Variants in NEGR1 observed in about 807,000 individuals in gnomAD.
The protein encoded by NEGR1 is neuronal growth regulator 1, also known as IgLON family member 4.
A neutral mutation model predicts 40.9 loss-of-function variants in NEGR1; 10 were observed. The observed-to-expected ratio is 0.24, with a 90% CI of 0.15 to 0.42. The LOEUF (loss-of-function observed/expected upper bound fraction) is 0.42. NEGR1 is among the 10% of genes least tolerant of loss of function. The probability of loss-of-function intolerance (pLI) is 1.00; values close to 1 mark genes in which losing one functional copy is unlikely to be tolerated. For synonymous variants in NEGR1, 185 were observed against 166.8 expected (o/e 1.11, Z -0.84); for missense variants, 352 against 438.9 (o/e 0.80, Z 1.77).
intron 1 of NEGR1, among the ~76,000 whole-genome samples, chr1:72,084,690 G>C (rs1038719975): frequency 2.0e-5 from 3 of 152,052 alleles, no homozygotes; most frequent in Admixed American, 1.3e-4. Flanking sequence ...AATGTTTACT[G>C]TGGTTCTAAT....
intron 3 of NEGR1, among the ~76,000 whole-genome samples, chr1:71,751,670 G>A (rs1297352281): frequency 1.3e-5 from 2 of 151,614 alleles, no homozygotes; most frequent in African/African-American, 4.9e-5. Flanking sequence ...ATCAATGGAA[G>A]CCCACAGGCC....
chr1:71,806,899 T>G (rs1003210830), intron 2 of NEGR1, among the ~76,000 whole-genome samples: 1 of 133,796 alleles, frequency 7.5e-6, no homozygotes, highest in Non-Finnish European at 1.5e-5. Flanking sequence ...TTTTTTTTTG[T>G]TTTTTTTTTT....
intron 1 of NEGR1, among the ~76,000 whole-genome samples, chr1:71,976,073 G>A (rs942723461): frequency 5.3e-5 from 8 of 152,296 alleles, no homozygotes; most frequent in Admixed American, 3.3e-4. Flanking sequence ...TAATGTTCTA[G>A]TGTTGGTCTC....
chr1:71,863,046 C>T (rs943716652), intron 2 of NEGR1, among the ~76,000 whole-genome samples: 3 of 152,110 alleles, frequency 2.0e-5, no homozygotes, highest in Non-Finnish European at 4.4e-5. Flanking sequence ...ATGGTGATTC[C>T]TCAAGGACCT....
chr1:71,575,742 C>G (rs1648944720), intron 6 of NEGR1, among the ~76,000 whole-genome samples: 1 of 152,170 alleles, frequency 6.6e-6, no homozygotes, highest in Non-Finnish European at 1.5e-5. Context: ...GAGATCTCGC[C>G]ACTGCACTCC....
In NEGR1 at chr1:72,012,414, CGGTCGA is replaced by C. The variant is rs1475519976; in HGVS notation, c.177-77109_177-77104del. On this transcript the variant is annotated intron_variant, in intron 1 of 6. Transcript: ENST00000357731. ...AAGTGTCACAGGACCTCCCTTGCTA[CGGTCGA>C]GCCAAATCAGTTTCTGTTATTGGTG... 3.3e-5 allele frequency among the ~76,000 whole-genome samples: 5 copies of C among 152,106 alleles called. No individual in the cohort carries two copies. In the East Asian group the frequency reaches 5.8e-4, roughly 18 times the overall value.
chr1:72,244,632 A>G (rs1175047123), intron 1 of NEGR1, among the ~76,000 whole-genome samples: 1 of 151,996 alleles, frequency 6.6e-6, no homozygotes, highest in Admixed American at 6.6e-5. Context: ...ACACTGCATC[A>G]GTGAATACTA....
intron 1 of NEGR1, among the ~76,000 whole-genome samples, chr1:72,040,577 C>CAAAAAAAAAAA (rs5775102): frequency 6.4e-4 from 19 of 29,704 alleles, no homozygotes; most frequent in Non-Finnish European, 8.9e-4. Flanking sequence ...GAGCACTGAC[C>CAAAAAAAAAAA]AAAAAAAAAA....
chr1:72,281,606 C>CA (rs1656253321), intron 1 of NEGR1, among the ~76,000 whole-genome samples: 1 of 144,700 alleles, frequency 6.9e-6, no homozygotes, highest in Non-Finnish European at 1.5e-5. Flanking sequence ...AAAAAATAGA[C>CA]AAAAAGAAAA....
intron 2 of NEGR1, among the ~76,000 whole-genome samples, chr1:71,896,568 T>G (rs976970855): frequency 2.6e-5 from 4 of 152,194 alleles, no homozygotes; most frequent in Non-Finnish European, 5.9e-5. Context: ...ATTTATCTAT[T>G]TTTTCTTTGA....
At chr1:71,513,645 T>C (rs1296952776) in intron 6 of NEGR1, among the ~76,000 whole-genome samples, 1 of 152,194 alleles carries the variant, frequency 6.6e-6, no homozygotes, top group African/African-American at 2.4e-5. Flanking sequence ...CCTGATTTTA[T>C]AGGAGAAACT....
chr1:71,946,294 C>T (rs1027157049), intron 1 of NEGR1, among the ~76,000 whole-genome samples: 2 of 151,698 alleles, frequency 1.3e-5, no homozygotes, highest in Non-Finnish European at 1.5e-5. Flanking sequence ...AGGGTGGTCT[C>T]AACCTCAGTT....
intron 3 of NEGR1, among the ~76,000 whole-genome samples, chr1:71,729,212 G>A (rs1444202145): frequency 6.6e-6 from 1 of 151,982 alleles, no homozygotes; most frequent in Non-Finnish European, 1.5e-5. Flanking sequence ...CCAGTTGTGT[G>A]CAAAATTTCT....
At chr1:72,001,889 T>C (rs1646560679) in intron 1 of NEGR1, among the ~76,000 whole-genome samples, 1 of 151,944 alleles carries the variant, frequency 6.6e-6, no homozygotes. Context: ...ACTATCCTCT[T>C]GTACTACATA....
intron 3 of NEGR1, among the ~76,000 whole-genome samples, chr1:71,700,637 C>T (rs181278334): frequency 2.6e-5 from 4 of 151,950 alleles, no homozygotes; most frequent in African/African-American, 9.6e-5. Flanking sequence ...TAAGAAAATA[C>T]CACAACTTTA....
intron 1 of NEGR1, among the ~76,000 whole-genome samples, chr1:71,962,881 C>T (rs896748070): frequency 6.6e-6 from 1 of 151,680 alleles, no homozygotes; most frequent in South Asian, 2.1e-4. Context: ...TCGGATTCAC[C>T]TTTGCAGCAT....
intron 4 of NEGR1, among the ~76,000 whole-genome samples, chr1:71,655,649 T>C (rs1651851651): frequency 6.6e-6 from 1 of 152,110 alleles, no homozygotes; most frequent in Non-Finnish European, 1.5e-5. Context: ...TTGTGACATA[T>C]ATTACTTGAT....
chr1:72,122,619 CA>C (rs1213837078), intron 1 of NEGR1, among the ~76,000 whole-genome samples: 1 of 151,828 alleles, frequency 6.6e-6, no homozygotes, highest in African/African-American at 2.4e-5. Flanking sequence ...AGGGATTCAA[CA>C]GCAGTTCTTA....
At chr1:72,147,513 G>A (rs1009314922) in intron 1 of NEGR1, among the ~76,000 whole-genome samples, 1 of 151,946 alleles carries the variant, frequency 6.6e-6, no homozygotes, top group Non-Finnish European at 1.5e-5. Flanking sequence ...TATTTAGGTG[G>A]GGACACAGGC....
Sources: allele counts gnomAD v4.1 joint callset (sites outside exome capture counted in the v4.1 genomes callset), GRCh38; gene constraint gnomAD v4.1.1; transcripts MANE v1.5; gene names NCBI Gene and HGNC (gene_info 2026-07-23, HGNC 2026-07-21).